The following EP300 variants were observed in gnomAD, a reference collection of about 807,000 sequenced individuals.
EP300 encodes histone acetyltransferase p300.
A neutral mutation model predicts 264.0 loss-of-function variants in EP300; 31 were observed. The observed-to-expected ratio is 0.12, with a 90% CI of 0.09 to 0.16. The LOEUF (loss-of-function observed/expected upper bound fraction) is 0.16. Among genes scored for constraint, EP300 ranks in the 10% least tolerant of loss-of-function variants. The pLI, the probability that EP300 is intolerant of heterozygous loss-of-function variation, is 1.00. For missense variants in EP300, 2,766 were observed against 3,052.9 expected (o/e 0.91, Z 2.21); for synonymous variants, 1,340 against 1,045.4 (o/e 1.28, Z -5.44).
chr22:41,137,887 ATT>A (rs2058961069), intron 8 of EP300, 97 bp downstream of exon 8: 130 of 1,536,712 alleles, frequency 8.5e-5, no homozygotes, highest in Non-Finnish European at 1.1e-4. Context: ...AATATTAGCA[ATT>A]TTTCTGTAGC....
At chr22:41,162,228 A>G (rs1033611) in intron 20 of EP300, among the ~76,000 whole-genome samples, 79,471 of 152,014 alleles carry the variant, frequency 0.52, 23,463 homozygotes, top group Admixed American at 0.72. Context: ...CATAACTAGT[A>G]TAAGAAACGG....
At position 41,110,959 on chromosome 22, in the gene EP300, C is replaced by CT. The variant is rs57411594; in HGVS notation, c.95-6211dup. On this transcript the variant is annotated intron_variant, in intron 1 of 30. Transcript: ENST00000263253. The stretch of plus-strand genomic sequence containing the variant: ...GTCAGTTTTTCCCTATGTTATAAAT[C>CT]TTTTTTTTTTTTTTTTTAAATTTGA... Among the ~76,000 whole-genome samples the CT allele has an allele frequency of 5.2e-3, 727 of 139,258 alleles. 5 individuals carry two copies. Among genetic ancestry groups the CT allele is most frequent in the African/African-American group, 6.3e-3 (235 of 37,334 alleles). 91.4% of individuals were successfully genotyped at this position (139,258 alleles called of 152,430 possible). A position where few individuals can be genotyped will look rare whatever the true frequency, so the allele number is the denominator to read the frequency against.
rs762767626 is a variant in EP300, at chr22:41,147,907, G to C, written c.2202G>C (p.Gln734His). Residue 734 changes from glutamine to histidine, a missense_variant, in exon 12 of 31, where the codon CAG (glutamine) becomes CAC (histidine). By Grantham distance (24) the Gln-to-His change is conservative. Transcript: ENST00000263253. ...PIVPRQTPPL[Q>H]HHGQLAQPGA... ...TACCCCGGCAAACCCCTCCTCTTCA[G>C]CACCATGGACAGTTGGCTCAACCTG... 1 of 1,613,890 alleles carries C rather than the reference G, an allele frequency of 6.2e-7. No individual in the cohort carries two copies. Among genetic ancestry groups the C allele is most frequent in the Non-Finnish European group, 8.5e-7 (1 of 1,179,984 alleles).
intron 2 of EP300, among the ~76,000 whole-genome samples, chr22:41,119,343 G>T (rs760560113): frequency 6.6e-6 from 1 of 151,712 alleles, no homozygotes; most frequent in Non-Finnish European, 1.5e-5. Flanking sequence ...TTAGATTGCC[G>T]TGTCAGTGTA....
In EP300 at chr22:41,173,692, C is replaced by G. The variant is rs564848230; in HGVS notation, c.4687C>G (p.Leu1563Val). The G allele has an allele frequency of 4.3e-6, 7 of 1,614,006 alleles. No individual in the cohort carries two copies. The East Asian group carries it at 1.3e-4, about 31-fold the overall frequency. Residue 1563 changes from leucine to valine, a missense_variant, in exon 29 of 31, where the codon CTG becomes GTG. Physicochemically the swap from Leu to Val is conservative, Grantham distance 32 (BLOSUM62 1). Coordinates refer to ENST00000263253, the MANE Select transcript of EP300 (RefSeq NM_001429.4). ...GAAAACCAGCAAAAATAAGAGCAGC[C>G]TGAGTAGGGGCAACAAGAAGAAACC... Reference protein sequence around the residue: ...NKKTSKNKSSLSRGNKKKPGM... With the variant: ...NKKTSKNKSSVSRGNKKKPGM...
In EP300 at chr22:41,177,860, C is replaced by G. The variant is rs2145519555; in HGVS notation, c.6149C>G (p.Ala2050Gly). ...PLKPGTVSQQALQNLLRTLRS... is the reference protein window; with the variant it reads ...PLKPGTVSQQGLQNLLRTLRS... ...AAACCAGGCACTGTGTCTCAACAAG[C>G]CTTACAAAACCTTTTGCGGACTCTC... The change falls in exon 31 of 31, where the codon GCC becomes GGC. Residue 2050 changes from alanine (A) to glycine (G), a missense_variant. By Grantham distance (60) the Ala-to-Gly change is moderately conservative. Coordinates refer to ENST00000263253, the MANE Select transcript of EP300 (RefSeq NM_001429.4). 1 of 1,614,174 alleles carries G rather than the reference C, an allele frequency of 6.2e-7. No homozygotes were observed. Among genetic ancestry groups the G allele is most frequent in the Admixed American group, 1.7e-5 (1 of 60,016 alleles).
At chr22:41,111,732 G>T (rs1406624660) in intron 1 of EP300, among the ~76,000 whole-genome samples, 1 of 151,760 alleles carries the variant, frequency 6.6e-6, no homozygotes, top group Non-Finnish European at 1.5e-5. Context: ...TAGAGACGGG[G>T]TTTCTCCATG....
At chr22:41,115,506 C>T (rs1447646258) in intron 1 of EP300, among the ~76,000 whole-genome samples, 1 of 152,166 alleles carries the variant, frequency 6.6e-6, no homozygotes, top group African/African-American at 2.4e-5. Flanking sequence ...AGTTAAAGCT[C>T]ACTACAACCT....
In EP300 at chr22:41,092,747, G is replaced by T; in HGVS notation, c.-258G>T. ...ATTCGCCGCAGCGGACGCGCTCGGC[G>T]AATTTGTGCTCTTGTGCCCTCCTCC... On this transcript the variant is annotated 5_prime_UTR_variant, in exon 1 of 31. Coordinates refer to ENST00000263253, the MANE Select transcript of EP300 (RefSeq NM_001429.4). 1 of 609,360 alleles carries T rather than the reference G, an allele frequency of 1.6e-6. No homozygotes were observed. The highest frequency in any genetic ancestry group is 3.0e-6 in the Non-Finnish European group (1 of 335,712). 37.7% of individuals were successfully genotyped at this position (609,360 alleles called of 1,614,324 possible).
chr22:41,114,491 T>A (rs1278672672), intron 1 of EP300, among the ~76,000 whole-genome samples: 1 of 152,206 alleles, frequency 6.6e-6, no homozygotes, highest in East Asian at 1.9e-4. Context: ...TGGCACATTT[T>A]TGATGGAGGA....
In EP300 at chr22:41,179,557, C is replaced by G. The variant is rs972260255; in HGVS notation, c.*601C>G. The G allele has an allele frequency of 5.4e-6, 1 of 186,088 alleles. No homozygotes were observed. The highest frequency in any genetic ancestry group is 1.1e-5 in the Non-Finnish European group (1 of 91,444). 11.5% of individuals were successfully genotyped at this position (186,088 alleles called of 1,614,324 possible). ...TTAAAAAAAAAAAAAAACTGCCTTT[C>G]TTCCCCTCAAGTCAACTTTTGTGCT... On this transcript the variant is annotated 3_prime_UTR_variant, in exon 31 of 31. Coordinates refer to ENST00000263253, the MANE Select transcript of EP300 (RefSeq NM_001429.4).
chr22:41,172,433 T>A, intron 27 of EP300, 66 bp from the exon 28 acceptor site: 2 of 1,397,832 alleles, frequency 1.4e-6, no homozygotes, highest in African/African-American at 2.8e-5. Context: ...CAGCCATGAT[T>A]ATTCTGTATA....
Position 41,173,789 on chromosome 22 carries a change from G to T in EP300, c.4779+5G>T, listed in dbSNP as rs2059184441. ...ACCATGGAGAAGCATAAAGAGGTAA[G>T]ATGCAGCCACCCAGAGTTGGGGAAA... On this transcript the variant is annotated splice_donor_5th_base_variant and intron_variant, in intron 29 of 30. Coordinates refer to ENST00000263253, the MANE Select transcript of EP300 (RefSeq NM_001429.4). 3 of 1,614,050 alleles carry T rather than the reference G, an allele frequency of 1.9e-6. No homozygotes were observed. Among genetic ancestry groups the T allele is most frequent in the Non-Finnish European group, 2.5e-6 (3 of 1,179,936 alleles).
intron 29 of EP300, among the ~76,000 whole-genome samples, chr22:41,175,897 T>C: frequency 6.6e-6 from 1 of 152,176 alleles, no homozygotes; most frequent in East Asian, 1.9e-4. Context: ...AGGCGTATGG[T>C]GGTGAAACTA....
chr22:41,149,295 T>C, intron 13 of EP300, 120 bp downstream of exon 13: 1 of 1,243,860 alleles, frequency 8.0e-7, no homozygotes, highest in Admixed American at 1.9e-5. Context: ...TTTTAAAAAA[T>C]AACAATTTTG....
intron 1 of EP300, among the ~76,000 whole-genome samples, chr22:41,116,527 A>G (rs1278820302): frequency 6.6e-6 from 1 of 152,154 alleles, no homozygotes; most frequent in African/African-American, 2.4e-5. Context: ...TGTCCCTGCA[A>G]AGGACATGAA....
chr22:41,145,788 C>T (rs1313456065), intron 10 of EP300, among the ~76,000 whole-genome samples: 1 of 152,024 alleles, frequency 6.6e-6, no homozygotes, highest in Non-Finnish European at 1.5e-5. Context: ...AGGCGCCTGC[C>T]ACCACGCCCG....
chr22:41,101,642 A>C (rs888442878), intron 1 of EP300, among the ~76,000 whole-genome samples: 3 of 151,200 alleles, frequency 2.0e-5, no homozygotes, highest in African/African-American at 7.3e-5. Flanking sequence ...CGATCTGCTG[A>C]CTTCATAATC....
chr22:41,094,924 C>T (rs965527869), intron 1 of EP300, among the ~76,000 whole-genome samples: 6 of 152,042 alleles, frequency 3.9e-5, no homozygotes, highest in Admixed American at 3.3e-4. Context: ...GTCTGTTTTG[C>T]TACTTGAAAT....
Sources: gnomAD v4.1 joint callset for allele counts (sites outside exome capture counted in the v4.1 genomes callset) on GRCh38, gnomAD v4.1.1 for gene constraint, MANE v1.5 for transcripts, NCBI Gene and HGNC (gene_info 2026-07-23, HGNC 2026-07-21) for gene names.